HIVEP1: variants seen among roughly 807,000 people sequenced by gnomAD.
HIVEP1 encodes the protein zinc finger protein 40.
A neutral mutation model predicts 180.0 loss-of-function variants in HIVEP1; 36 were observed. The ratio of observed to expected loss-of-function variants is 0.20; its 90% confidence interval spans 0.15 to 0.26. The LOEUF (loss-of-function observed/expected upper bound fraction) is 0.26. Ranked by LOEUF, HIVEP1 falls within the 10% of genes least tolerant of loss-of-function variation. The pLI, the probability that HIVEP1 is intolerant of heterozygous loss-of-function variation, is 1.00. For synonymous variants in HIVEP1, 1,239 were observed against 1,239.0 expected, an observed-to-expected ratio of 1.00 and a Z score of 0.00; for missense variants, 3,143 against 3,268.7, an observed-to-expected ratio of 0.96 and a Z score of 0.94.
intron 2 of HIVEP1, among the ~76,000 whole-genome samples, chr6:12,048,108 AC>A (rs1436242098): frequency 6.6e-5 from 10 of 152,140 alleles, no homozygotes; most frequent in Non-Finnish European, 1.0e-4. Flanking sequence ...TCAGCTTCTT[AC>A]AAGATTTCTG....
intron 2 of HIVEP1, among the ~76,000 whole-genome samples, chr6:12,060,358 A>G (rs192735604): frequency 2.8e-4 from 43 of 152,366 alleles, no homozygotes; most frequent in Non-Finnish European, 4.7e-4. Flanking sequence ...AGACAATTAC[A>G]GTATAAACTA....
the HIVEP1 span, among the ~76,000 whole-genome samples, chr6:12,204,977 A>C: frequency 6.6e-6 from 1 of 152,204 alleles, no homozygotes; most frequent in Non-Finnish European, 1.5e-5. Flanking sequence ...TGATAGCCAG[A>C]GGGAACAACC....
chr6:12,125,141 T>A lies in HIVEP1; in HGVS notation c.5346T>A (p.Ala1782=), dbSNP rs759805538. 9 of 1,613,426 alleles carry A rather than the reference T, an allele frequency of 5.6e-6. No individual in the cohort carries two copies. Among genetic ancestry groups the A allele is most frequent in the South Asian group, 3.3e-5 (3 of 90,900 alleles). The stretch of plus-strand genomic sequence containing the variant: ...CAACAGACGTGAGACCTTTAGAGGC[T>A]TTGAGTTCGAGAGTTAATGAAGCTA... The part of the protein sequence containing the change: ...VCATDVRPLE[A]LSSRVNEASK... Residue 1782 remains alanine (A), a synonymous_variant, in exon 4 of 9, where the codon GCT becomes GCA. Coordinates refer to ENST00000379388, the MANE Select transcript of HIVEP1 (RefSeq NM_002114.4).
At chr6:12,083,588 A>G (rs1221719167) in intron 2 of HIVEP1, among the ~76,000 whole-genome samples, 1 of 152,094 alleles carries the variant, frequency 6.6e-6, no homozygotes, top group Non-Finnish European at 1.5e-5. Flanking sequence ...TTTGAGGGAG[A>G]TGTCAGGGAA....
chr6:12,124,296 A>G lies in HIVEP1; in HGVS notation c.4501A>G (p.Thr1501Ala). 6 of 1,614,062 alleles carry G rather than the reference A, an allele frequency of 3.7e-6. No individual in the cohort carries two copies. The highest frequency in any genetic ancestry group is 4.2e-6 in the Non-Finnish European group (5 of 1,179,990). The change falls in exon 4 of 9, where the codon ACC becomes GCC. Residue 1501 changes from threonine (T) to alanine (A), a missense_variant. Thr to Ala is a moderately conservative substitution (Grantham distance 58). Around this residue, in one of 12 missense-constraint regions of HIVEP1, gnomAD observed 1,357 missense variants for 1,260.5 expected, o/e 1.08. Transcript: ENST00000379388. ...LQAETSNSSS[T>A]NVFPVQQLCD... ...GGCAGAAACATCAAACTCCAGCTCTACCAACGTTTTTCCTGTTCAACAGCT... is the reference window on the plus strand; with the variant it reads ...GGCAGAAACATCAAACTCCAGCTCTGCCAACGTTTTTCCTGTTCAACAGCT...
At position 12,121,174 on chromosome 6, in the gene HIVEP1, T is replaced by C; in HGVS notation, c.1379T>C (p.Ile460Thr). ...YKHKKSHAHT[I>T]KLGLVLQPDA... is the part of the protein sequence containing the mutation. ...CACAAGAAATCCCACGCACATACTA[T>C]CAAACTGGGTCTTGTCTTGCAACCA... Residue 460 changes from isoleucine to threonine, a missense_variant, in exon 4 of 9, where the codon ATC becomes ACC. Around this residue, in one of 12 missense-constraint regions of HIVEP1, gnomAD observed 365 missense variants for 344.4 expected, o/e 1.06. Coordinates refer to ENST00000379388, the MANE Select transcript of HIVEP1 (RefSeq NM_002114.4). This position sits in a 1 kb window ranked among gnomAD's most constrained non-coding sequence, Gnocchi z 5.3. 2 of 1,614,118 alleles carry C rather than the reference T, an allele frequency of 1.2e-6. No individual in the cohort carries two copies. The highest frequency in any genetic ancestry group is 1.7e-6 in the Non-Finnish European group (2 of 1,180,010).
Position 12,122,846 on chromosome 6 carries a change from G to A in HIVEP1, c.3051G>A (p.Gly1017=). The change falls in exon 4 of 9, where the codon GGG becomes GGA. Residue 1017 remains glycine, a synonymous_variant. Transcript: ENST00000379388. ...QPQILHYRVA[G]SSGIWEQTPQ... is the part of the protein sequence containing the mutation. ...AGATTCTACACTACAGAGTCGCTGG[G>A]TCCTCCGGCATCTGGGAACAGACGC... The A allele has an allele frequency of 1.2e-6, 2 of 1,614,166 alleles. No individual in the cohort carries two copies. Among genetic ancestry groups the A allele is most frequent in the East Asian group, 2.2e-5 (1 of 44,890 alleles).
Position 12,124,035 on chromosome 6 carries a change from G to A in HIVEP1, c.4240G>A (p.Gly1414Arg). Residue 1414 changes from glycine to arginine, a missense_variant, in exon 4 of 9, where the codon GGA (glycine) becomes AGA (arginine). Physicochemically the swap from Gly to Arg is moderately radical, Grantham distance 125. Coordinates refer to ENST00000379388, the MANE Select transcript of HIVEP1 (RefSeq NM_002114.4). ...LQPPSSPSRV[G>R]VTGHVPLLER... ...GCCTCCATCTTCACCTTCTCGAGTG[G>A]GAGTGACTGGGCATGTGCCTCTCTT... 1 of 1,614,080 alleles carries A rather than the reference G, an allele frequency of 6.2e-7. No homozygotes were observed. The highest frequency in any genetic ancestry group is 8.5e-7 in the Non-Finnish European group (1 of 1,180,012).
At chr6:12,072,394 C>T (rs1461347104) in intron 2 of HIVEP1, among the ~76,000 whole-genome samples, 1 of 152,134 alleles carries the variant, frequency 6.6e-6, no homozygotes, top group Admixed American at 6.6e-5. Context: ...CTTCCCCTCT[C>T]CCACTTCGTG....
chr6:12,153,209 C>T (rs1759809629), intron 7 of HIVEP1, among the ~76,000 whole-genome samples: 1 of 152,132 alleles, frequency 6.6e-6, no homozygotes, highest in Admixed American at 6.5e-5. Flanking sequence ...ACATTGAATT[C>T]ATGCATATTT....
At chr6:12,045,497 G>C (rs534468195) in intron 2 of HIVEP1, among the ~76,000 whole-genome samples, 1 of 152,248 alleles carries the variant, frequency 6.6e-6, no homozygotes, top group Non-Finnish European at 1.5e-5. Flanking sequence ...CAGGACCACT[G>C]TGCTGCCAGC....
intron 2 of HIVEP1, among the ~76,000 whole-genome samples, chr6:12,051,831 T>C (rs1170219674): frequency 6.6e-6 from 1 of 152,230 alleles, no homozygotes; most frequent in Non-Finnish European, 1.5e-5. Context: ...AGCTTCTCTT[T>C]CCATATTTAC....
At chr6:12,183,179 C>T in the HIVEP1 span, among the ~76,000 whole-genome samples, 5 of 152,214 alleles carry the variant, frequency 3.3e-5, no homozygotes, top group African/African-American at 1.2e-4. Context: ...AGAGAAACTT[C>T]AGGAGTCTAC....
intron 2 of HIVEP1, among the ~76,000 whole-genome samples, chr6:12,085,861 A>G (rs1773084926): frequency 6.6e-6 from 1 of 152,026 alleles, no homozygotes; most frequent in African/African-American, 2.4e-5. Flanking sequence ...TCTTCCAGAA[A>G]CCCTAAAAGA....
At chr6:12,190,161 A>G in the HIVEP1 span, among the ~76,000 whole-genome samples, 1 of 152,204 alleles carries the variant, frequency 6.6e-6, no homozygotes, top group Non-Finnish European at 1.5e-5. Context: ...AGGACTTGGG[A>G]GTAGTAGGAA....
chr6:12,151,613 G>C (rs1234496093), intron 7 of HIVEP1, among the ~76,000 whole-genome samples: 1 of 152,202 alleles, frequency 6.6e-6, no homozygotes, highest in Non-Finnish European at 1.5e-5. Context: ...TATCAACTCT[G>C]TCATGGGTGG....
At chr6:12,074,651 C>T (rs1017315972) in intron 2 of HIVEP1, among the ~76,000 whole-genome samples, 8 of 109,084 alleles carry the variant, frequency 7.3e-5, no homozygotes, top group South Asian at 5.4e-4. Flanking sequence ...TGTGCGCGCG[C>T]GTGCATGTCC....
intron 2 of HIVEP1, among the ~76,000 whole-genome samples, chr6:12,075,948 T>A (rs1772322244): frequency 6.6e-6 from 1 of 152,244 alleles, no homozygotes; most frequent in African/African-American, 2.4e-5. Flanking sequence ...TAGTGTAATT[T>A]TTTAAACATT....
In HIVEP1 at chr6:12,125,449, C is replaced by T. The variant is rs1758002837; in HGVS notation, c.5654C>T (p.Pro1885Leu). Residue 1885 changes from proline to leucine, a missense_variant, in exon 4 of 9, where the codon CCT (proline) becomes CTT (leucine). Pro to Leu is a moderately conservative substitution (Grantham distance 98). This residue lies in a region of HIVEP1 where 1,357 missense variants were observed against 1,260.5 expected (regional missense o/e 1.08). Transcript: ENST00000379388. ...PAPSENTHIS[P>L]LKCTDNNQER... ...CCTTCAGAAAATACTCATATTTCTC[C>T]TTTGAAATGTACAGACAATAACCAA... The T allele has an allele frequency of 1.9e-6, 3 of 1,614,078 alleles. No individual in the cohort carries two copies. Among genetic ancestry groups the T allele is most frequent in the Non-Finnish European group, 2.5e-6 (3 of 1,179,994 alleles).
Sources: gnomAD v4.1 joint callset for allele counts (sites outside exome capture counted in the v4.1 genomes callset) on GRCh38, gnomAD v4.1.1 for gene constraint, gnomAD v4.1.1 regional missense constraint, Gnocchi (gnomAD v3.1) non-coding constraint, MANE v1.5 for transcripts, NCBI Gene and HGNC (gene_info 2026-07-23, HGNC 2026-07-21) for gene names.